GPC5: variants seen among roughly 807,000 people sequenced by gnomAD.
The protein encoded by GPC5 is glypican 5.
A neutral mutation model predicts 53.9 loss-of-function variants in GPC5; 47 were observed. That is an observed-to-expected ratio of 0.87 (90% CI 0.69 to 1.11). The LOEUF (loss-of-function observed/expected upper bound fraction) is 1.11, where lower values mean the gene tolerates loss of function less well. Ranked by LOEUF, GPC5 falls within the 50% of genes most tolerant of loss-of-function variation. GPC5 has a pLI of 0.00. For synonymous variants in GPC5, 286 were observed against 263.3 expected (o/e 1.09, Z -0.84); for missense variants, 748 against 713.1 (o/e 1.05, Z -0.56).
At chr13:91,881,191 A>C (rs1394733825) in intron 5 of GPC5, among the ~76,000 whole-genome samples, 7 of 152,180 alleles carry the variant, frequency 4.6e-5, no homozygotes, top group Admixed American at 1.3e-4. Context: ...TTCTCTAAAC[A>C]AAAGGTGTCT....
At chr13:92,255,683 T>C (rs1484854967) in intron 7 of GPC5, among the ~76,000 whole-genome samples, 1 of 152,180 alleles carries the variant, frequency 6.6e-6, no homozygotes, top group African/African-American at 2.4e-5. Flanking sequence ...TTAGATCTCT[T>C]AGTAGATTTC....
At chr13:91,543,539 A>C (rs2030093601) in intron 2 of GPC5, among the ~76,000 whole-genome samples, 1 of 151,860 alleles carries the variant, frequency 6.6e-6, no homozygotes, top group African/African-American at 2.4e-5. Flanking sequence ...TCAAAGAGAG[A>C]GAGAGAGAGA....
intron 7 of GPC5, among the ~76,000 whole-genome samples, chr13:92,670,166 T>C (rs753798082): frequency 2.0e-5 from 3 of 152,018 alleles, no homozygotes; most frequent in Non-Finnish European, 4.4e-5. Context: ...TGAGGAGCCA[T>C]GTGGAATGTA....
intron 7 of GPC5, among the ~76,000 whole-genome samples, chr13:92,565,603 A>C (rs892683291): frequency 6.6e-6 from 1 of 152,076 alleles, no homozygotes; most frequent in Non-Finnish European, 1.5e-5. Flanking sequence ...CTATCTCTCA[A>C]ACTAAGACCA....
At chr13:91,614,652 A>C (rs1300708917) in intron 2 of GPC5, among the ~76,000 whole-genome samples, 1 of 152,170 alleles carries the variant, frequency 6.6e-6, no homozygotes, top group East Asian at 1.9e-4. Context: ...TTTCTATATG[A>C]AATAAATATT....
chr13:92,140,640 G>A (rs545326230), intron 6 of GPC5, among the ~76,000 whole-genome samples: 1 of 152,252 alleles, frequency 6.6e-6, no homozygotes, highest in African/African-American at 2.4e-5. Context: ...GGGAACCAGT[G>A]GTTTTGACAG....
intron 7 of GPC5, among the ~76,000 whole-genome samples, chr13:92,276,695 C>T (rs1459180334): frequency 6.6e-6 from 1 of 152,034 alleles, no homozygotes; most frequent in African/African-American, 2.4e-5. Flanking sequence ...CTATGTTTTG[C>T]TCTATGAATT....
chr13:92,624,321 C>T (rs1224234865), intron 7 of GPC5, among the ~76,000 whole-genome samples: 8 of 152,218 alleles, frequency 5.3e-5, no homozygotes, highest in African/African-American at 1.9e-4. Flanking sequence ...CCAGCTGCCT[C>T]GGCCTCCCAA....
intron 1 of GPC5, among the ~76,000 whole-genome samples, chr13:91,419,651 G>A (rs1843815887): frequency 6.6e-6 from 1 of 152,126 alleles, no homozygotes; most frequent in Admixed American, 6.6e-5. Context: ...GGTTATCGTG[G>A]CCAGGAAGAG....
intron 5 of GPC5, among the ~76,000 whole-genome samples, chr13:91,792,027 C>T (rs1371654527): frequency 6.6e-6 from 1 of 152,186 alleles, no homozygotes; most frequent in Non-Finnish European, 1.5e-5. Flanking sequence ...GAATTCCATG[C>T]TTTCAGACAG....
intron 7 of GPC5, among the ~76,000 whole-genome samples, chr13:92,749,325 T>C (rs750766672): frequency 2.6e-5 from 4 of 152,132 alleles, no homozygotes; most frequent in Non-Finnish European, 4.4e-5. Context: ...TTGCTAGGTA[T>C]TTTTAATATA....
chr13:91,928,278 T>C (rs1209140481), intron 6 of GPC5, among the ~76,000 whole-genome samples: 1 of 152,198 alleles, frequency 6.6e-6, no homozygotes, highest in Admixed American at 6.5e-5. Flanking sequence ...TTGTTGTAAA[T>C]GACATTAATG....
intron 7 of GPC5, among the ~76,000 whole-genome samples, chr13:92,661,385 C>G (rs1232976023): frequency 6.6e-6 from 1 of 151,640 alleles, no homozygotes; most frequent in Non-Finnish European, 1.5e-5. Context: ...ATTGTCAACA[C>G]TCAGTGTATA....
At chr13:92,805,640 GT>G (rs901551255) in intron 7 of GPC5, among the ~76,000 whole-genome samples, 3 of 151,766 alleles carry the variant, frequency 2.0e-5, no homozygotes, top group South Asian at 4.2e-4. Context: ...GTCTCACTTT[GT>G]TTCCTATGTT....
At chr13:91,878,272 A>AT (rs1375357990) in intron 5 of GPC5, among the ~76,000 whole-genome samples, 5 of 152,188 alleles carry the variant, frequency 3.3e-5, no homozygotes, top group Non-Finnish European at 5.9e-5. Context: ...TATTTTCAAT[A>AT]TTTTTTATTT....
chr13:91,944,779 T>TC (rs1028136598), intron 6 of GPC5, among the ~76,000 whole-genome samples: 13 of 152,210 alleles, frequency 8.5e-5, no homozygotes, highest in Non-Finnish European at 1.6e-4. Context: ...TAAACAGCGT[T>TC]CCCTGCAATT....
intron 6 of GPC5, among the ~76,000 whole-genome samples, chr13:92,139,347 C>G (rs1378911925): frequency 6.6e-6 from 1 of 152,172 alleles, no homozygotes; most frequent in Non-Finnish European, 1.5e-5. Flanking sequence ...TATGCCTTCT[C>G]TTTTGATACG....
At chr13:91,878,193 G>A (rs1480991125) in intron 5 of GPC5, among the ~76,000 whole-genome samples, 1 of 152,160 alleles carries the variant, frequency 6.6e-6, no homozygotes, top group Non-Finnish European at 1.5e-5. Flanking sequence ...GAAGTAGTTT[G>A]TGTAATAATA....
chr13:92,513,245 T>C (rs572906625), intron 7 of GPC5, among the ~76,000 whole-genome samples: 5 of 152,326 alleles, frequency 3.3e-5, no homozygotes, highest in African/African-American at 9.6e-5. Flanking sequence ...GACCTAGAAG[T>C]AATGTTTTAG....
Sources: gnomAD v4.1 joint callset for allele counts (sites outside exome capture counted in the v4.1 genomes callset) on GRCh38, gnomAD v4.1.1 for gene constraint, MANE v1.5 for transcripts, NCBI Gene and HGNC (gene_info 2026-07-23, HGNC 2026-07-21) for gene names.